ABCA8: variants seen among roughly 807,000 people sequenced by gnomAD.
The protein encoded by ABCA8 is ATP binding cassette subfamily A member 8.
Under a neutral mutation model 192.3 loss-of-function variants are expected in ABCA8, and 177 were observed. The observed-to-expected ratio is 0.92, with a 90% confidence interval of 0.81 to 1.04. The LOEUF (loss-of-function observed/expected upper bound fraction) is 1.04, where lower values mean the gene tolerates loss of function less well. Ranked by LOEUF, ABCA8 falls within the 50% of genes least tolerant of loss-of-function variation. The pLI is 0.00. For missense variants in ABCA8, 1,915 were observed against 1,904.8 expected (o/e 1.01, Z -0.10); for synonymous variants, 642 against 690.2 (o/e 0.93, Z 1.09).
chr17:68,897,517 T>A (rs1427898915), intron 21 of ABCA8, among the ~76,000 whole-genome samples: 1 of 152,188 alleles, frequency 6.6e-6, no homozygotes, highest in Non-Finnish European at 1.5e-5. Flanking sequence ...TTTGGAAGGC[T>A]GAGATAGCAA....
At chr17:68,908,405 T>C (rs958313615) in intron 17 of ABCA8, among the ~76,000 whole-genome samples, 2 of 152,210 alleles carry the variant, frequency 1.3e-5, no homozygotes, top group African/African-American at 4.8e-5. Context: ...GTGACAAACA[T>C]CATACTTAGT....
At chr17:68,907,640 A>G (rs2067106888) in intron 18 of ABCA8, 100 bp downstream of exon 18, 14 of 1,070,750 alleles carry the variant, frequency 1.3e-5, no homozygotes, top group Admixed American at 3.5e-5. Context: ...GTACCTGAGC[A>G]TACTGTAAGA....
intron 2 of ABCA8, among the ~76,000 whole-genome samples, 154 bp downstream of exon 2, chr17:68,949,158 T>C (rs1389962783): frequency 6.6e-6 from 1 of 152,200 alleles, no homozygotes; most frequent in East Asian, 1.9e-4. Context: ...CCTAGTGTTG[T>C]TTGAAGTCAG....
At chr17:68,915,169 A>G (rs1228332536) in intron 17 of ABCA8, among the ~76,000 whole-genome samples, 1 of 152,136 alleles carries the variant, frequency 6.6e-6, no homozygotes, top group Non-Finnish European at 1.5e-5. Flanking sequence ...TAAGTCCTCA[A>G]CCTAGGAAAC....
chr17:68,892,005 G>A (rs1247570413), intron 23 of ABCA8, among the ~76,000 whole-genome samples: 1 of 152,166 alleles, frequency 6.6e-6, no homozygotes. Flanking sequence ...TAATAAGTCA[G>A]TTTTTTAGGT....
chr17:68,929,671 T>C lies in ABCA8; in HGVS notation c.829A>G (p.Ile277Val), dbSNP rs779646907. 2.3e-5 allele frequency: 37 copies of C among 1,611,566 alleles called. No individual in the cohort carries two copies. Among genetic ancestry groups the C allele is most frequent in the Non-Finnish European group, 3.0e-5 (35 of 1,178,266 alleles). The change falls in exon 8 of 40, where the codon ATC becomes GTC. Residue 277 changes from isoleucine to valine, a missense_variant. Coordinates refer to ENST00000586539, the MANE Select transcript of ABCA8 (RefSeq NM_001288985.2). ...GCCAAGAAAAGGGCCATAATGAAGATGAAACCAGCATAGAGCAAACCCCAG... is the reference window on the plus strand; with the variant it reads ...GCCAAGAAAAGGGCCATAATGAAGACGAAACCAGCATAGAGCAAACCCCAG... Reference protein sequence around the residue: ...LSWGLLYAGFIFIMALFLALV... With the variant: ...LSWGLLYAGFVFIMALFLALV...
intron 1 of ABCA8, among the ~76,000 whole-genome samples, chr17:68,950,800 T>G (rs909573006): frequency 2.6e-5 from 4 of 152,194 alleles, no homozygotes; most frequent in African/African-American, 9.7e-5. Context: ...GTTGAGTGAT[T>G]GATTGCATCA....
At position 68,881,316 on chromosome 17, in the gene ABCA8, A is replaced by T. The variant is rs1201498043; in HGVS notation, c.3947-105T>A. On this transcript the variant is annotated intron_variant, in intron 31 of 39. Transcript: ENST00000586539. Reference sequence around the variant, plus strand: ...TGACAAGCATTTGCTATTAGTTGTCATTTAATTGTCACAACCACCCTGAGA... The same window carrying T: ...TGACAAGCATTTGCTATTAGTTGTCTTTTAATTGTCACAACCACCCTGAGA... 4.9e-6 allele frequency: 4 copies of T among 821,142 alleles called. No homozygotes were observed. The African/African-American group carries it at 6.9e-5, about 14-fold the overall frequency. 50.9% of individuals were successfully genotyped at this position (821,142 alleles called of 1,614,324 possible).
Position 68,940,827 on chromosome 17 carries a change from C to G in ABCA8, c.232G>C (p.Val78Leu). The G allele has an allele frequency of 6.2e-7, 1 of 1,613,542 alleles. No individual in the cohort carries two copies. ...DTFNESRFSV[V>L]YTPVTNTTQQ... ...GTCGTGTTGGTGACAGGTGTGTATA[C>G]AACAGAAAATCTGGATTCATTAAAT... is the stretch of plus-strand genomic sequence containing the variant. Residue 78 changes from valine (V) to leucine (L), a missense_variant, in exon 4 of 40, where the codon GTA (valine) becomes CTA (leucine). By Grantham distance (32) the Val-to-Leu change is conservative. Transcript: ENST00000586539.
At chr17:68,919,625 A>G (rs539081203) in intron 13 of ABCA8, 149 bp from the exon 14 acceptor site, 39 of 660,826 alleles carry the variant, frequency 5.9e-5, no homozygotes, top group Non-Finnish European at 8.6e-5. Context: ...AGTATATTCA[A>G]AATATGTTCT....
chr17:68,918,331 T>G, intron 15 of ABCA8, 96 bp downstream of exon 15: 1 of 1,492,542 alleles, frequency 6.7e-7, no homozygotes, highest in Non-Finnish European at 9.0e-7. Context: ...ATGAATATTT[T>G]ATAACACATG....
chr17:68,887,085 A>C lies in ABCA8; in HGVS notation c.3361T>G (p.Tyr1121Asp), dbSNP rs776663511. 6.2e-7 allele frequency: 1 copy of C among 1,613,068 alleles called. No homozygotes were observed. Among genetic ancestry groups the C allele is most frequent in the Admixed American group, 1.7e-5 (1 of 59,910 alleles). ...TTGCGAAAGATGAAGGAAATCACGT[A>C]TGTCATGAAGATGAGGGAAAAGGAA... ...GYSFSLIFMT[Y>D]VISFIFRKGR... The change falls in exon 26 of 40, where the codon TAC becomes GAC. Residue 1121 changes from tyrosine to aspartate, a missense_variant. By Grantham distance (160) the Tyr-to-Asp change is radical. Transcript: ENST00000586539.
chr17:68,929,020 C>A, intron 9 of ABCA8, 29 bp downstream of exon 9: 2 of 1,420,372 alleles, frequency 1.4e-6, no homozygotes, highest in Non-Finnish European at 1.9e-6. Context: ...TCAGAAATGC[C>A]ATTAATAGAC....
At chr17:68,876,304 C>CTT in intron 35 of ABCA8, 156 bp downstream of exon 35, 21 of 712,096 alleles carry the variant, frequency 2.9e-5, no homozygotes, top group South Asian at 4.3e-5. Context: ...AGGGAAAGAT[C>CTT]TTTTTTTTTT....
chr17:68,953,490 A>G (rs148586878), intron 1 of ABCA8, among the ~76,000 whole-genome samples: 354 of 152,294 alleles, frequency 2.3e-3, no homozygotes, highest in Middle Eastern at 0.01. Flanking sequence ...TTGCAACAGA[A>G]GGCACATTAG....
At chr17:68,887,297 A>T (rs776908678) in intron 25 of ABCA8, 39 bp downstream of exon 25, 2 of 1,520,536 alleles carry the variant, frequency 1.3e-6, no homozygotes, top group Admixed American at 1.9e-5. Flanking sequence ...ACACAATGAT[A>T]TTGTGAATAT....
intron 30 of ABCA8, 111 bp from the exon 31 acceptor site, chr17:68,882,091 A>G (rs1009987026): frequency 2.3e-6 from 2 of 851,114 alleles, no homozygotes; most frequent in South Asian, 3.1e-5. Context: ...CCATGCATCA[A>G]AGAAGACCTT....
At chr17:68,880,614 T>C (rs553846293) in intron 32 of ABCA8, among the ~76,000 whole-genome samples, 1 of 152,176 alleles carries the variant, frequency 6.6e-6, no homozygotes, top group Non-Finnish European at 1.5e-5. Context: ...CCACATTTTT[T>C]GGTGCCTGCA....
chr17:68,924,630 A>G, intron 11 of ABCA8, 71 bp downstream of exon 11: 2 of 1,516,146 alleles, frequency 1.3e-6, no homozygotes, highest in Non-Finnish European at 1.8e-6. Context: ...AAAAGGGAAC[A>G]CTGCTTGCCT....
Sources: gnomAD v4.1 joint callset for allele counts (sites outside exome capture counted in the v4.1 genomes callset) on GRCh38, gnomAD v4.1.1 for gene constraint, MANE v1.5 for transcripts, NCBI Gene and HGNC (gene_info 2026-07-23, HGNC 2026-07-21) for gene names.